FGF14: variants seen among roughly 807,000 people sequenced by gnomAD.
The protein encoded by FGF14 is fibroblast growth factor homologous factor 4.
A neutral mutation model predicts 25.5 loss-of-function variants in FGF14; 5 were observed. The observed-to-expected ratio is 0.20, with a 90% CI of 0.10 to 0.41. The LOEUF (loss-of-function observed/expected upper bound fraction) is 0.41, where lower values mean the gene tolerates loss of function less well. Ranked by LOEUF, FGF14 falls within the 10% of genes least tolerant of loss-of-function variation. The pLI is 1.00. For missense variants in FGF14, 222 were observed against 320.1 expected, an observed-to-expected ratio of 0.69 and a Z score of 2.34; for synonymous variants, 138 against 118.3, an observed-to-expected ratio of 1.17 and a Z score of -1.08.
intron 1 of FGF14, among the ~76,000 whole-genome samples, chr13:101,911,531 G>A (rs1455895091): frequency 6.6e-6 from 1 of 152,030 alleles, no homozygotes; most frequent in African/African-American, 2.4e-5. Context: ...GAAACCTATA[G>A]CAAATATGGA....
At chr13:101,726,367 T>A (rs2035437772) in intron 4 of FGF14, among the ~76,000 whole-genome samples, 1 of 151,998 alleles carries the variant, frequency 6.6e-6, no homozygotes, top group Non-Finnish European at 1.5e-5. Context: ...GATTTGAGCC[T>A]TTGGAGGTGG....
At chr13:101,945,500 G>C (rs1417711921) in intron 1 of FGF14, among the ~76,000 whole-genome samples, 2 of 152,160 alleles carry the variant, frequency 1.3e-5, no homozygotes, top group Admixed American at 6.5e-5. Context: ...GGAGTTGGGG[G>C]AGACCTCTAT....
chr13:102,115,938 C>A (rs1051406741), intron 1 of FGF14, among the ~76,000 whole-genome samples: 3 of 152,062 alleles, frequency 2.0e-5, no homozygotes, highest in Admixed American at 2.0e-4. Flanking sequence ...TGGAGAAACC[C>A]CATCTCTACT....
intron 1 of FGF14, among the ~76,000 whole-genome samples, chr13:102,300,909 A>G (rs1015791766): frequency 1.5e-5 from 2 of 133,432 alleles, no homozygotes. Context: ...GTCCTTACCA[A>G]TATGCACACA....
intron 1 of FGF14, among the ~76,000 whole-genome samples, chr13:102,156,617 C>A (rs1018620015): frequency 6.6e-6 from 1 of 152,186 alleles, no homozygotes; most frequent in African/African-American, 2.4e-5. Flanking sequence ...GGGAGGCCCT[C>A]TCTCACCACT....
At chr13:102,060,590 ATAGC>A (rs1161133301) in intron 1 of FGF14, among the ~76,000 whole-genome samples, 1 of 152,228 alleles carries the variant, frequency 6.6e-6, no homozygotes, top group East Asian at 1.9e-4. Flanking sequence ...ACATTTTTTG[ATAGC>A]TATCCTCAAT....
At chr13:102,276,489 T>C (rs957338836) in intron 1 of FGF14, among the ~76,000 whole-genome samples, 1 of 151,672 alleles carries the variant, frequency 6.6e-6, no homozygotes, top group Non-Finnish European at 1.5e-5. Context: ...TTAATGTTCA[T>C]TGCATCTGAC....
intron 1 of FGF14, among the ~76,000 whole-genome samples, chr13:102,333,645 T>C (rs541296996): frequency 1.3e-5 from 2 of 152,284 alleles, no homozygotes; most frequent in South Asian, 4.1e-4. Context: ...TGTAAACAGC[T>C]GTCAACCAAT....
At position 102,219,749 on chromosome 13, in the gene FGF14, C is replaced by T. The variant is rs1030128632; in HGVS notation, c.208+181722G>A. 1.1e-4 allele frequency among the ~76,000 whole-genome samples: 16 copies of T among 152,070 alleles called. 1 individual carries two copies. The highest frequency in any genetic ancestry group is 2.2e-4 in the Non-Finnish European group (15 of 68,020). ...ATGATCAAAGTGAAGCCAATAATGA[C>T]AATTGAAAGGCAAAAGATTTTCTTT... On this transcript the variant is annotated intron_variant, in intron 1 of 4. Coordinates refer to the FGF14 transcript ENST00000376131.
At chr13:102,059,821 A>G (rs923276910) in intron 1 of FGF14, among the ~76,000 whole-genome samples, 4 of 152,072 alleles carry the variant, frequency 2.6e-5, no homozygotes, top group African/African-American at 9.7e-5. Context: ...ATTGCACTCC[A>G]GCCTGGGTGA....
chr13:101,779,725 A>G (rs1042872863), intron 3 of FGF14, among the ~76,000 whole-genome samples: 2 of 152,164 alleles, frequency 1.3e-5, no homozygotes, highest in Admixed American at 6.6e-5. Flanking sequence ...TATTATCTTA[A>G]TATGTTCATA....
chr13:101,787,207 C>G (rs902733631), intron 3 of FGF14, among the ~76,000 whole-genome samples: 7 of 152,120 alleles, frequency 4.6e-5, no homozygotes, highest in Non-Finnish European at 8.8e-5. Context: ...AAGAGTATAT[C>G]ATAAAGCTAA....
At chr13:101,772,787 C>T (rs2038860935) in intron 3 of FGF14, among the ~76,000 whole-genome samples, 1 of 152,018 alleles carries the variant, frequency 6.6e-6, no homozygotes, top group South Asian at 2.1e-4. Context: ...TTTTATTAGG[C>T]AAATGTTTGG....
intron 1 of FGF14, among the ~76,000 whole-genome samples, chr13:102,136,200 G>A (rs1334545324): frequency 6.6e-6 from 1 of 151,974 alleles, no homozygotes; most frequent in Non-Finnish European, 1.5e-5. Flanking sequence ...TGCAAACACT[G>A]ATAGTTGATA....
At chr13:102,132,413 TGACA>T (rs1250669713) in intron 1 of FGF14, among the ~76,000 whole-genome samples, 5 of 152,190 alleles carry the variant, frequency 3.3e-5, no homozygotes, top group African/African-American at 4.8e-5. Flanking sequence ...AAGCAGCTAA[TGACA>T]GACAGATGTG....
intron 1 of FGF14, among the ~76,000 whole-genome samples, chr13:102,340,488 C>T (rs1036892964): frequency 1.3e-5 from 2 of 151,808 alleles, no homozygotes; most frequent in African/African-American, 4.8e-5. Context: ...TTCATCAGTT[C>T]CAGAAGGTTC....
chr13:102,374,686 A>G (rs1233413312), intron 1 of FGF14, among the ~76,000 whole-genome samples: 15 of 108,266 alleles, frequency 1.4e-4, no homozygotes, highest in Admixed American at 1.3e-3. Context: ...ATATATATAT[A>G]TATATATATA....
Position 102,340,648 on chromosome 13 carries a change from T to A in FGF14, c.208+60823A>T, listed in dbSNP as rs557678933. ...TCACAACTAGAATGACCTTTAAATA[T>A]GAAAAGAAATAGAGAAAGTGTCCAA... On this transcript the variant is annotated intron_variant, in intron 1 of 4. Transcript: ENST00000376131. 2.7e-3 allele frequency among the ~76,000 whole-genome samples: 412 copies of A among 152,238 alleles called. 1 individual carries two copies. The highest frequency in any genetic ancestry group is 0.02 in the Middle Eastern group (6 of 294).
At chr13:102,232,801 C>A (rs2051142535) in intron 1 of FGF14, among the ~76,000 whole-genome samples, 1 of 152,068 alleles carries the variant, frequency 6.6e-6, no homozygotes, top group Non-Finnish European at 1.5e-5. Flanking sequence ...GAAAGAAATG[C>A]CTTTATAGAT....
Sources: gnomAD v4.1 joint callset for allele counts (sites outside exome capture counted in the v4.1 genomes callset) on GRCh38, gnomAD v4.1.1 for gene constraint, MANE v1.5 for transcripts, NCBI Gene and HGNC (gene_info 2026-07-23, HGNC 2026-07-21) for gene names.